Variants in REDIC1 observed in about 807,000 individuals in gnomAD.
REDIC1 encodes the protein HEI10 Interacting Protein 1.
At chr12:39,680,507 G>C in the REDIC1 span, among the ~76,000 whole-genome samples, 3 of 152,136 alleles carry the variant, frequency 2.0e-5, no homozygotes, top group African/African-American at 4.8e-5. Context: ...GGTGAAAAGG[G>C]AATACTTTTA....
chr12:39,664,399 A>G, the REDIC1 span, among the ~76,000 whole-genome samples: 2 of 152,194 alleles, frequency 1.3e-5, no homozygotes, highest in East Asian at 3.9e-4. Flanking sequence ...TACAAAGGAC[A>G]TGAACTCATC....
the REDIC1 span, among the ~76,000 whole-genome samples, chr12:39,786,093 T>A: frequency 2.6e-5 from 4 of 152,110 alleles, no homozygotes; most frequent in Middle Eastern, 3.4e-3. Flanking sequence ...AGTTTTGAAA[T>A]GTGAGGACAT....
chr12:39,677,343 CAAAG>C, the REDIC1 span, among the ~76,000 whole-genome samples: 1 of 151,916 alleles, frequency 6.6e-6, no homozygotes, highest in African/African-American at 2.4e-5. Flanking sequence ...TTAAAAAAGA[CAAAG>C]AAGGACATTA....
chr12:39,805,372 G>A, the REDIC1 span, among the ~76,000 whole-genome samples: 1 of 152,118 alleles, frequency 6.6e-6, no homozygotes, highest in Non-Finnish European at 1.5e-5. Flanking sequence ...AATAATCCTG[G>A]GGTGGCTGGA....
At chr12:39,664,847 TG>T in the REDIC1 span, among the ~76,000 whole-genome samples, 1 of 152,364 alleles carries the variant, frequency 6.6e-6, no homozygotes, top group Non-Finnish European at 1.5e-5. Context: ...CATTTTTTCA[TG>T]TGTCTGTTGG....
chr12:39,900,092 C>A, the REDIC1 span, among the ~76,000 whole-genome samples: 1 of 152,134 alleles, frequency 6.6e-6, no homozygotes, highest in African/African-American at 2.4e-5. Flanking sequence ...ACAAAAACCA[C>A]ATGATTATCT....
chr12:39,853,632 C>G, the REDIC1 span, among the ~76,000 whole-genome samples: 2 of 135,514 alleles, frequency 1.5e-5, no homozygotes, highest in Admixed American at 1.6e-4. Context: ...AAGTAATTTT[C>G]CTAGAAATCT....
At chr12:39,712,582 T>TATAC in the REDIC1 span, among the ~76,000 whole-genome samples, 1 of 143,474 alleles carries the variant, frequency 7.0e-6, no homozygotes, top group African/African-American at 2.5e-5. Flanking sequence ...TACGTATATA[T>TATAC]GTATATACGT....
the REDIC1 span, among the ~76,000 whole-genome samples, chr12:39,868,857 T>G: frequency 2.0e-5 from 3 of 152,202 alleles, no homozygotes; most frequent in African/African-American, 7.2e-5. Context: ...CTACATATTT[T>G]GTACTTCTTT....
chr12:39,859,150 A>G, the REDIC1 span, among the ~76,000 whole-genome samples: 1 of 152,142 alleles, frequency 6.6e-6, no homozygotes, highest in Non-Finnish European at 1.5e-5. Flanking sequence ...CAGTTTGTCA[A>G]TTTGGATTTT....
chr12:39,724,022 T>C, the REDIC1 span, among the ~76,000 whole-genome samples: 1 of 152,122 alleles, frequency 6.6e-6, no homozygotes, highest in African/African-American at 2.4e-5. Context: ...CAGCCTGACT[T>C]GCAGCTGCCA....
the REDIC1 span, among the ~76,000 whole-genome samples, chr12:39,668,769 T>C: frequency 6.6e-6 from 1 of 152,214 alleles, no homozygotes; most frequent in African/African-American, 2.4e-5. Context: ...TGTTATTTTT[T>C]TTCTAAACTT....
chr12:39,824,875 T>A, the REDIC1 span, among the ~76,000 whole-genome samples: 1 of 151,952 alleles, frequency 6.6e-6, no homozygotes. Context: ...CAGGCAGAGA[T>A]CAAGGAGGGT....
At chr12:39,824,964 G>T in the REDIC1 span, among the ~76,000 whole-genome samples, 1 of 152,184 alleles carries the variant, frequency 6.6e-6, no homozygotes, top group Non-Finnish European at 1.5e-5. Flanking sequence ...AATGACAAGG[G>T]ATTTAAACTG....
At chr12:39,688,966 CG>C in the REDIC1 span, among the ~76,000 whole-genome samples, 1 of 152,020 alleles carries the variant, frequency 6.6e-6, no homozygotes, top group Non-Finnish European at 1.5e-5. Flanking sequence ...ATCCATGTAC[CG>C]TTTTTTTTGT....
the REDIC1 span, among the ~76,000 whole-genome samples, chr12:39,856,629 A>G: frequency 6.6e-6 from 1 of 152,182 alleles, no homozygotes; most frequent in Non-Finnish European, 1.5e-5. Context: ...GGCCTCCCAA[A>G]GTGCTGGGAT....
At chr12:39,703,196 G>A in the REDIC1 span, among the ~76,000 whole-genome samples, 5 of 152,052 alleles carry the variant, frequency 3.3e-5, no homozygotes, top group Non-Finnish European at 4.4e-5. Flanking sequence ...CATTGTCTCA[G>A]CCCAAAATCT....
the REDIC1 span, among the ~76,000 whole-genome samples, chr12:39,673,343 G>C: frequency 2.0e-5 from 3 of 152,114 alleles, no homozygotes; most frequent in Admixed American, 1.3e-4. Flanking sequence ...TCTGGCCCCT[G>C]TTATTTCATT....
chr12:39,751,800 G>A, the REDIC1 span, among the ~76,000 whole-genome samples: 5 of 151,954 alleles, frequency 3.3e-5, no homozygotes, highest in Non-Finnish European at 7.4e-5. Context: ...ACTATCACAA[G>A]GACAAAAAAC....
Sources: gnomAD v4.1 joint callset for allele counts (sites outside exome capture counted in the v4.1 genomes callset) on GRCh38, gnomAD v4.1.1 for gene constraint, MANE v1.5 for transcripts, NCBI Gene and HGNC (gene_info 2026-07-23, HGNC 2026-07-21) for gene names.